SH3BP2: variants seen among roughly 807,000 people sequenced by gnomAD.
SH3BP2 encodes SH3 domain-binding protein 2.
In SH3BP2, 38 loss-of-function variants were observed where a neutral mutation model predicts 56.2. That is an observed-to-expected ratio of 0.68 (90% CI 0.52 to 0.89). The LOEUF (loss-of-function observed/expected upper bound fraction) is 0.89. Ranked by LOEUF, SH3BP2 falls within the 40% of genes least tolerant of loss-of-function variation. The pLI is 0.00. For synonymous variants in SH3BP2, 346 were observed against 316.7 expected (o/e 1.09, Z -0.98); for missense variants, 748 against 762.6 (o/e 0.98, Z 0.23).
intron 3 of SH3BP2, 41 bp downstream of exon 3, chr4:2,823,078 C>T (rs1201712695): frequency 7.1e-7 from 1 of 1,401,832 alleles, no homozygotes; most frequent in South Asian, 1.2e-5. Context: ...GCCCCCACAG[C>T]CAGCGGGTCC....
intron 7 of SH3BP2, among the ~76,000 whole-genome samples, chr4:2,828,948 C>G (rs890395653): frequency 6.6e-6 from 1 of 152,200 alleles, no homozygotes; most frequent in African/African-American, 2.4e-5. Flanking sequence ...ACTCCTCTCC[C>G]GAATTCCCTG....
intron 1 of SH3BP2, among the ~76,000 whole-genome samples, chr4:2,811,354 C>T (rs1489859733): frequency 1.3e-5 from 2 of 152,234 alleles, no homozygotes; most frequent in Non-Finnish European, 2.9e-5. Context: ...GTGGCCTGTG[C>T]TCTGTGGCCT....
rs777671989 is a variant in SH3BP2, at chr4:2,832,956, A to G, written c.1489-34A>G. Reference sequence around the variant, plus strand: ...CCCGAGGCTGGTCCCGCTGTTTCTCAGGGAGCCGTCAGCCTCCCGCTTCCG... The same window carrying G: ...CCCGAGGCTGGTCCCGCTGTTTCTCGGGGAGCCGTCAGCCTCCCGCTTCCG... On this transcript the variant is annotated intron_variant, in intron 11 of 12. Transcript: ENST00000503393. 1.2e-5 allele frequency: 20 copies of G among 1,609,254 alleles called. No individual in the cohort carries two copies. The East Asian group carries it at 4.0e-4, about 32-fold the overall frequency.
chr4:2,827,593 T>C lies in SH3BP2; in HGVS notation c.518-13T>C. 6.3e-7 allele frequency: 1 copy of C among 1,582,446 alleles called. No individual in the cohort carries two copies. The highest frequency in any genetic ancestry group is 8.6e-7 in the Non-Finnish European group (1 of 1,163,598). ...GCCGGTTTGGCTCTCACCACCCCCC[T>C]CTCCCCATGCAGACTATGAGCACGA... On this transcript the variant is annotated splice_polypyrimidine_tract_variant and intron_variant, in intron 6 of 12. Transcript: ENST00000503393.
chr4:2,818,199 G>A, intron 1 of SH3BP2: 1 of 987,838 alleles, frequency 1.0e-6, no homozygotes, highest in Non-Finnish European at 1.2e-6. Flanking sequence ...AGGAGCCGGC[G>A]GCTGCCAGGC....
At chr4:2,808,039 C>T (rs537685993) in intron 1 of SH3BP2, among the ~76,000 whole-genome samples, 6 of 152,312 alleles carry the variant, frequency 3.9e-5, no homozygotes, top group South Asian at 4.1e-4. Context: ...GGTGAGTCCC[C>T]GTGTGGATTC....
At chr4:2,821,939 C>T (rs1724330095) in intron 2 of SH3BP2, among the ~76,000 whole-genome samples, 1 of 152,074 alleles carries the variant, frequency 6.6e-6, no homozygotes, top group South Asian at 2.1e-4. Context: ...TTGATCTCAG[C>T]TCACTGTAAC....
rs905347564 is a variant in SH3BP2 at position 2,810,740 on chromosome 4, C to G, written c.-4-9874C>G. Among the ~76,000 whole-genome samples the G allele has an allele frequency of 2.6e-5, 4 of 152,134 alleles. No individual in the cohort carries two copies. Among genetic ancestry groups the G allele is most frequent in the Admixed American group, 2.6e-4 (4 of 15,280 alleles). ...CTCCTCTGGGAGGCGTTCCCCAGTC[C>G]AGAACCCACAGGGCCTGGTCCCTCC... On this transcript the variant is annotated intron_variant, in intron 1 of 12. Transcript: ENST00000503393. This position sits in a 1 kb window ranked among gnomAD's most constrained non-coding sequence, Gnocchi z 4.2.
intron 1 of SH3BP2, chr4:2,818,520 G>T: frequency 1.8e-6 from 1 of 544,902 alleles, no homozygotes. Flanking sequence ...CGCGCTTCTT[G>T]GGGGAACAAA....
intron 1 of SH3BP2, chr4:2,794,354 C>G (rs1722992980): frequency 6.6e-6 from 1 of 152,358 alleles, no homozygotes; most frequent in Non-Finnish European, 1.5e-5. Context: ...GGGCTCCACC[C>G]CCTCCTGGTT....
intron 1 of SH3BP2, among the ~76,000 whole-genome samples, chr4:2,802,534 G>GTA (rs748749195): frequency 2.0e-4 from 6 of 29,272 alleles, no homozygotes; most frequent in African/African-American, 5.2e-4. Flanking sequence ...ATATATGTAT[G>GTA]TGTGTGTGTG....
chr4:2,831,698 C>G lies in SH3BP2; in HGVS notation c.1350+19C>G. The G allele has an allele frequency of 6.4e-7, 1 of 1,569,026 alleles. No homozygotes were observed. The highest frequency in any genetic ancestry group is 8.7e-7 in the Non-Finnish European group (1 of 1,152,506). ...TGAGAAGGCAAGGCTGAGCGGCAAG[C>G]CTGGGTCCCAGTGGCCAGTAGGTGG... On this transcript the variant is annotated intron_variant, in intron 9 of 12. Transcript: ENST00000503393. The surrounding 1 kb of genome is among the most constrained non-coding windows in gnomAD (Gnocchi z 4.1).
In SH3BP2 at chr4:2,827,591, C is replaced by G. The variant is rs147331573; in HGVS notation, c.518-15C>G. ...GGGCCGGTTTGGCTCTCACCACCCC[C>G]CTCTCCCCATGCAGACTATGAGCAC... is the stretch of plus-strand genomic sequence containing the variant. On this transcript the variant is annotated splice_polypyrimidine_tract_variant and intron_variant, in intron 6 of 12. Coordinates refer to ENST00000503393, the MANE Select transcript of SH3BP2 (RefSeq NM_001122681.2). 1,466 of 1,582,744 alleles carry G rather than the reference C, an allele frequency of 9.3e-4. 51 individuals carry two copies. In the East Asian group the frequency reaches 0.033, roughly 36 times the overall value.
At position 2,831,172 on chromosome 4, in the gene SH3BP2, C is replaced by T. The variant is rs948962236; in HGVS notation, c.1242-399C>T. ...AGGCGTGCAGGGACGCCATGGGCGT[C>T]CTTTGGGGTCACACTGCATTGTTCA... On this transcript the variant is annotated intron_variant, in intron 8 of 12. Transcript: ENST00000503393. This position sits in a 1 kb window ranked among gnomAD's most constrained non-coding sequence, Gnocchi z 4.1. Among the ~76,000 whole-genome samples the T allele has an allele frequency of 6.6e-6, 1 of 152,200 alleles. No individual in the cohort carries two copies. Among genetic ancestry groups the T allele is most frequent in the African/African-American group, 2.4e-5 (1 of 41,446 alleles).
Position 2,835,362 on chromosome 4 carries a change from G to A in SH3BP2, c.*1528G>A, listed in dbSNP as rs1725195453. On this transcript the variant is annotated 3_prime_UTR_variant, in exon 13 of 13. Coordinates refer to ENST00000503393, the MANE Select transcript of SH3BP2 (RefSeq NM_001122681.2). The stretch of plus-strand genomic sequence containing the variant: ...TGGAACTGCAGGCCCTGCAGATGAC[G>A]GCAGCCAGCTGCTTCCAGGAACCAG... The A allele has an allele frequency of 6.6e-6, 1 of 152,270 alleles. No homozygotes were observed. The highest frequency in any genetic ancestry group is 2.1e-4 in the South Asian group (1 of 4,838). 9.4% of individuals were successfully genotyped at this position (152,270 alleles called of 1,614,324 possible).
rs754011685 is a variant in SH3BP2, at chr4:2,827,592, C to T, written c.518-14C>T. The T allele has an allele frequency of 1.9e-6, 3 of 1,583,182 alleles. No homozygotes were observed. The highest frequency in any genetic ancestry group is 2.7e-5 in the African/African-American group (2 of 74,352). On this transcript the variant is annotated splice_polypyrimidine_tract_variant and intron_variant, in intron 6 of 12. Transcript: ENST00000503393. ...GGCCGGTTTGGCTCTCACCACCCCC[C>T]TCTCCCCATGCAGACTATGAGCACG...
intron 1 of SH3BP2, among the ~76,000 whole-genome samples, chr4:2,805,673 G>A (rs898012903): frequency 7.2e-5 from 11 of 152,316 alleles, no homozygotes; most frequent in Middle Eastern, 3.4e-3. Context: ...CCACAGCGTC[G>A]GGGGGTGCCG....
At chr4:2,833,268 A>C in intron 12 of SH3BP2, 1 of 621,704 alleles carries the variant, frequency 1.6e-6, no homozygotes, top group Middle Eastern at 4.2e-4. Flanking sequence ...CCTAGTGGGG[A>C]TGGGCGGTCA....
intron 1 of SH3BP2, chr4:2,812,619 G>A: frequency 9.0e-7 from 1 of 1,107,262 alleles, no homozygotes; most frequent in Non-Finnish European, 1.3e-6. Context: ...CCCTGAGCCT[G>A]CAAAAGGCAA....
Sources: allele counts gnomAD v4.1 joint callset (sites outside exome capture counted in the v4.1 genomes callset), GRCh38; gene constraint gnomAD v4.1.1; non-coding constraint Gnocchi (gnomAD v3.1); transcripts MANE v1.5; gene names NCBI Gene and HGNC (gene_info 2026-07-23, HGNC 2026-07-21).